Variants in LARP4B observed in about 807,000 individuals in gnomAD.
LARP4B encodes the protein La ribonucleoprotein 4B, also known as la-related protein 4B.
In LARP4B, 12 loss-of-function variants were observed where a neutral mutation model predicts 89.8. The observed-to-expected ratio is 0.13, with a 90% CI of 0.09 to 0.22. LARP4B has a LOEUF of 0.22. LARP4B is among the 10% of genes least tolerant of loss of function. LARP4B has a pLI of 1.00. For synonymous variants in LARP4B, 367 were observed against 363.3 expected, an observed-to-expected ratio of 1.01 and a Z score of -0.12; for missense variants, 757 against 947.7, an observed-to-expected ratio of 0.80 and a Z score of 2.64.
chr10:918,779 A>G (rs2132040779), intron 1 of LARP4B, among the ~76,000 whole-genome samples: 1 of 152,276 alleles, frequency 6.6e-6, no homozygotes, highest in East Asian at 1.9e-4. Context: ...CTCTGGCTTC[A>G]AAGATAACCA....
chr10:817,973 T>C, intron 14 of LARP4B, 84 bp from the exon 15 acceptor site: 1 of 1,359,338 alleles, frequency 7.4e-7, no homozygotes, highest in Non-Finnish European at 1.0e-6. Flanking sequence ...CTGGAAAATA[T>C]CTGTAGAAAC....
the LARP4B span, among the ~76,000 whole-genome samples, chr10:978,455 T>C: frequency 6.6e-6 from 1 of 152,224 alleles, no homozygotes; most frequent in Admixed American, 6.5e-5. Flanking sequence ...TTTCCATTTT[T>C]TTGTTTCTTT....
At chr10:852,576 G>A (rs1053422128) in intron 5 of LARP4B, among the ~76,000 whole-genome samples, 1 of 152,106 alleles carries the variant, frequency 6.6e-6, no homozygotes, top group Non-Finnish European at 1.5e-5. Context: ...CAACCCAAAC[G>A]TTTGTTCATT....
chr10:983,122 T>C, the LARP4B span, among the ~76,000 whole-genome samples: 5 of 152,374 alleles, frequency 3.3e-5, no homozygotes, highest in East Asian at 9.6e-4. Context: ...CGTTGTAGCA[T>C]ATTTGGATTA....
At chr10:924,805 C>T (rs1837091149) in intron 1 of LARP4B, among the ~76,000 whole-genome samples, 1 of 152,232 alleles carries the variant, frequency 6.6e-6, no homozygotes, top group African/African-American at 2.4e-5. Flanking sequence ...ATGTGATTGT[C>T]CACCTGTCTC....
At chr10:922,948 G>A (rs1467694002) in intron 1 of LARP4B, among the ~76,000 whole-genome samples, 3 of 152,114 alleles carry the variant, frequency 2.0e-5, no homozygotes, top group East Asian at 3.9e-4. Flanking sequence ...GGTGGCACAC[G>A]CCTGCAGTCC....
rs1051036749 is a variant in LARP4B at position 931,645 on chromosome 10, C to G, written c.-257G>C. The G allele has an allele frequency of 8.4e-5, 13 of 154,778 alleles. No homozygotes were observed. Among genetic ancestry groups the G allele is most frequent in the Non-Finnish European group, 1.7e-4 (12 of 70,228 alleles). The allele number at this position is 154,778 out of a possible 1,614,324, so 9.6% of individuals were successfully genotyped here. ...CTTCCCCTTTCGGGCCCGAAAATGT[C>G]TCAACCCCGGGACTCCAGATCCCCA... On this transcript the variant is annotated 5_prime_UTR_variant, in exon 1 of 18. Transcript: ENST00000316157.
rs1164752113 is a variant in LARP4B at position 829,521 on chromosome 10, C to G, written c.989G>C (p.Ser330Thr). 6.2e-7 allele frequency: 1 copy of G among 1,614,136 alleles called. No individual in the cohort carries two copies. Residue 330 changes from serine (S) to threonine (T), a missense_variant, in exon 11 of 18, where the codon AGC becomes ACC. Ser to Thr is a moderately conservative substitution (Grantham distance 58). Transcript: ENST00000316157. ...CGCGTAGCGCTGCTGGGCATACAGGCTCACGTCCAGGGGTCTAAATCCATT... is the reference window on the plus strand; with the variant it reads ...CGCGTAGCGCTGCTGGGCATACAGGGTCACGTCCAGGGGTCTAAATCCATT... ...PKNGFRPLDVSLYAQQRYATS... is the reference protein window; with the variant it reads ...PKNGFRPLDVTLYAQQRYATS...
intron 5 of LARP4B, among the ~76,000 whole-genome samples, chr10:856,452 G>A (rs989057880): frequency 1.3e-5 from 2 of 152,178 alleles, no homozygotes; most frequent in Admixed American, 6.5e-5. Flanking sequence ...TAGATCCTAC[G>A]TAAAGTCACA....
chr10:937,586 AC>A, the LARP4B span, among the ~76,000 whole-genome samples: 10 of 151,382 alleles, frequency 6.6e-5, 1 homozygote, highest in South Asian at 1.3e-3. Context: ...TGGCGGCCTG[AC>A]CCCCCCTCCC....
chr10:952,276 C>G, the LARP4B span, among the ~76,000 whole-genome samples: 1 of 132,054 alleles, frequency 7.6e-6, no homozygotes, highest in African/African-American at 2.9e-5. Context: ...GGAGGTGGAG[C>G]TTGCAGTGAG....
At chr10:971,803 A>G in the LARP4B span, 3 of 152,700 alleles carry the variant, frequency 2.0e-5, no homozygotes, top group Non-Finnish European at 4.4e-5. Context: ...GTGTGTGAAG[A>G]TAGAGTTCAA....
chr10:918,632 C>CA (rs57396015), intron 1 of LARP4B, among the ~76,000 whole-genome samples: 3,460 of 44,930 alleles, frequency 0.077, 114 homozygotes, highest in Non-Finnish European at 0.1. Context: ...GACCCTGTCT[C>CA]AAAAAAAAAA....
At chr10:966,357 G>A in the LARP4B span, among the ~76,000 whole-genome samples, 1 of 152,184 alleles carries the variant, frequency 6.6e-6, no homozygotes, top group Admixed American at 6.6e-5. Flanking sequence ...TTAGGAGGCT[G>A]AGGTGGGAGG....
intron 5 of LARP4B, among the ~76,000 whole-genome samples, chr10:847,224 C>T (rs1215350828): frequency 6.6e-6 from 1 of 152,062 alleles, no homozygotes; most frequent in Non-Finnish European, 1.5e-5. Context: ...GATAATACCA[C>T]CTTAGAAAGA....
At chr10:932,863 A>G (rs186378972), upstream of LARP4B, among the ~76,000 whole-genome samples, 190 of 139,058 alleles carry the variant, frequency 1.4e-3, no homozygotes, top group African/African-American at 5.0e-3. Flanking sequence ...GGAATCCCCA[A>G]CCCCACACCT....
chr10:982,093 TTTTTTTC>T, the LARP4B span, among the ~76,000 whole-genome samples: 2 of 96,838 alleles, frequency 2.1e-5, no homozygotes, highest in East Asian at 3.8e-4. Context: ...ACCTATAGCT[TTTTTTTC>T]TTTCTTTCTT....
At chr10:828,865 A>T (rs1832753349) in intron 11 of LARP4B, among the ~76,000 whole-genome samples, 1 of 152,226 alleles carries the variant, frequency 6.6e-6, no homozygotes, top group South Asian at 2.1e-4. Context: ...CATCTATAGC[A>T]GCACACAAAG....
At chr10:922,793 C>A (rs1029892070) in intron 1 of LARP4B, among the ~76,000 whole-genome samples, 19 of 152,180 alleles carry the variant, frequency 1.2e-4, no homozygotes, top group Admixed American at 2.0e-4. Flanking sequence ...GCTACGCAGG[C>A]CGGGCACAGT....
Sources: allele counts gnomAD v4.1 joint callset (sites outside exome capture counted in the v4.1 genomes callset), GRCh38; gene constraint gnomAD v4.1.1; transcripts MANE v1.5; gene names NCBI Gene and HGNC (gene_info 2026-07-23, HGNC 2026-07-21).